The following XKR5 variants were observed in gnomAD, a reference collection of about 807,000 sequenced individuals.
XKR5 encodes the protein XK related 5, also known as XK-related protein 5.
In XKR5, 46 loss-of-function variants were observed where a neutral mutation model predicts 40.8. The observed-to-expected ratio is 1.13, with a 90% CI of 0.89 to 1.44. The LOEUF (loss-of-function observed/expected upper bound fraction) is 1.44. Ranked by LOEUF, XKR5 falls within the 40% of genes most tolerant of loss-of-function variation. The pLI is 0.00. For synonymous variants in XKR5, 466 were observed against 356.1 expected, an observed-to-expected ratio of 1.31 and a Z score of -3.48; for missense variants, 1,169 against 844.7, an observed-to-expected ratio of 1.38 and a Z score of -4.76.
chr8:6,812,474 C>G, intron 6 of XKR5, 135 bp from the exon 7 acceptor site: 1 of 872,654 alleles, frequency 1.1e-6, no homozygotes, highest in South Asian at 1.9e-5. Context: ...CTTGTTGGAG[C>G]CTCAGAACTG....
chr8:6,835,138 G>T (rs1804954610), intron 1 of XKR5, among the ~76,000 whole-genome samples: 1 of 151,892 alleles, frequency 6.6e-6, no homozygotes, highest in Admixed American at 6.6e-5. Flanking sequence ...CATGCGTGGG[G>T]CGGGGGGATC....
At chr8:6,823,454 T>A (rs1050282537) in intron 4 of XKR5, 67 bp downstream of exon 4, 9 of 1,497,192 alleles carry the variant, frequency 6.0e-6, no homozygotes, top group Non-Finnish European at 8.2e-6. Context: ...TGGTTATTCT[T>A]GAGACCTTCA....
intron 5 of XKR5, 57 bp from the exon 6 acceptor site, chr8:6,815,975 C>T (rs1240563806): frequency 1.5e-6 from 2 of 1,369,974 alleles, no homozygotes; most frequent in East Asian, 2.5e-5. Context: ...GCCTAGGGAC[C>T]CCCGTCCCGT....
At chr8:6,818,955 T>A (rs1319088085) in intron 5 of XKR5, among the ~76,000 whole-genome samples, 1 of 152,190 alleles carries the variant, frequency 6.6e-6, no homozygotes. Context: ...GGTGGGAGGA[T>A]CACTTGAGCC....
intron 3 of XKR5, 84 bp downstream of exon 3, chr8:6,825,081 A>C: frequency 6.5e-7 from 1 of 1,529,216 alleles, no homozygotes; most frequent in Non-Finnish European, 8.9e-7. Context: ...GAAATCTCGA[A>C]GGGAGGGTTT....
chr8:6,814,322 G>C (rs1376305707), intron 6 of XKR5, among the ~76,000 whole-genome samples: 1 of 152,188 alleles, frequency 6.6e-6, no homozygotes, highest in African/African-American at 2.4e-5. Flanking sequence ...CAAAAGCAAG[G>C]AGCAACCCGG....
rs73661485 is a variant in XKR5, at chr8:6,827,382, G to C, written c.243-2033C>G. On this transcript the variant is annotated intron_variant, in intron 2 of 6. Coordinates refer to ENST00000618742, the MANE Select transcript of XKR5 (RefSeq NM_207411.5). ...AAGGTCACCTGCAAAACTCCCTGTA[G>C]AGACCCCTAAGGCTCTGACTGGCAG... 5.1e-3 allele frequency among the ~76,000 whole-genome samples: 775 copies of C among 152,300 alleles called. 9 individuals are homozygous for C. The highest frequency in any genetic ancestry group is 0.017 in the African/African-American group (722 of 41,542).
At position 6,832,899 on chromosome 8, in the gene XKR5, G is replaced by C. The variant is rs1481735686; in HGVS notation, c.60C>G (p.Arg20=). The part of the protein sequence containing the change: ...ALLQAAEQSA[R]LYTVAYYFTT... ...TGAAGTAGTAAGCCACGGTGTAAAG[G>C]CCTGGGTGAGAAGGGGAAAGGCAAG... Residue 20 remains arginine, a splice_region_variant and synonymous_variant, in exon 2 of 7, where the codon CGC becomes CGG. Transcript: ENST00000618742. The C allele has an allele frequency of 3.8e-6, 6 of 1,567,314 alleles. 1 individual carries two copies. The South Asian group carries it at 4.8e-5, about 12-fold the overall frequency.
In XKR5 at chr8:6,811,366, C is replaced by A. The variant is rs370198356; in HGVS notation, c.1893G>T (p.Glu631Asp). ...LSISELEEPL[E>D]PKRELSHHAA... is the part of the protein sequence containing the mutation. ...CATGGTGACTTAGCTCCCTTTTGGG[C>A]TCCAGCGGCTCCTCTAGCTCTGAGA... Residue 631 changes from glutamate to aspartate, a missense_variant, in exon 7 of 7, where the codon GAG (glutamate) becomes GAT (aspartate). Physicochemically the swap from Glu to Asp is conservative, Grantham distance 45. Coordinates refer to ENST00000618742, the MANE Select transcript of XKR5 (RefSeq NM_207411.5). The A allele has an allele frequency of 4.8e-4, 735 of 1,537,380 alleles. 1 individual carries two copies. The Middle Eastern group carries it at 5.2e-3, about 11-fold the overall frequency.
intron 6 of XKR5, among the ~76,000 whole-genome samples, chr8:6,815,542 C>T (rs1022542422): frequency 3.3e-5 from 5 of 151,980 alleles, no homozygotes; most frequent in East Asian, 1.9e-4. Flanking sequence ...CAGGAAGCTC[C>T]GGGGAGGACG....
At chr8:6,833,688 C>G (rs1027821353) in intron 1 of XKR5, among the ~76,000 whole-genome samples, 4 of 152,128 alleles carry the variant, frequency 2.6e-5, no homozygotes, top group Non-Finnish European at 5.9e-5. Context: ...TGCATTCCAG[C>G]CTGGGCCACA....
In XKR5 at chr8:6,821,947, G is replaced by T. The variant is rs760918181; in HGVS notation, c.729C>A (p.Leu243=). 1 of 1,612,762 alleles carries T rather than the reference G, an allele frequency of 6.2e-7. No homozygotes were observed. Among genetic ancestry groups the T allele is most frequent in the East Asian group, 2.2e-5 (1 of 44,850 alleles). Residue 243 remains leucine (L), a synonymous_variant, in exon 5 of 7, where the codon CTC becomes CTA. Transcript: ENST00000618742. ...STCHWRLFNL[L]VGAVYILCYL... The stretch of plus-strand genomic sequence containing the variant: ...AGCAGAGGATGTACACGGCCCCCAC[G>T]AGCAGGTTGAACAGCCTCCAGTGGC...
rs1237215576 is a variant in XKR5 at position 6,822,018 on chromosome 8, T to C, written c.658A>G (p.Thr220Ala). 1.2e-6 allele frequency: 2 copies of C among 1,605,394 alleles called. No homozygotes were observed. Among genetic ancestry groups the C allele is most frequent in the African/African-American group, 2.7e-5 (2 of 74,746 alleles). Residue 220 changes from threonine to alanine, a missense_variant, in exon 5 of 7, where the codon ACA becomes GCA. Physicochemically the swap from Thr to Ala is moderately conservative, Grantham distance 58. Coordinates refer to ENST00000618742, the MANE Select transcript of XKR5 (RefSeq NM_207411.5). The stretch of plus-strand genomic sequence containing the variant: ...CTCTGCTGGGCGACAAGCCAGAATG[T>C]CATCACCAGCCAGTGGGCACCTGCA... ...VVAGAHWLVM[T>A]FWLVAQQSDI... is the part of the protein sequence containing the mutation.
chr8:6,811,436 C>G lies in XKR5; in HGVS notation c.1823G>C (p.Arg608Thr), dbSNP rs1163802418. 6.5e-7 allele frequency: 1 copy of G among 1,536,472 alleles called. No individual in the cohort carries two copies. Among genetic ancestry groups the G allele is most frequent in the African/African-American group, 1.4e-5 (1 of 73,022 alleles). ...ISPILGTGPC[R>T]GFCPSAGFPG... ...GAAGCCTGCACTGGGGCAGAAGCCT[C>G]TACATGGGCCTGTGCCTAGGATGGG... is the stretch of plus-strand genomic sequence containing the variant. The change falls in exon 7 of 7, where the codon AGA becomes ACA. Residue 608 changes from arginine to threonine, a missense_variant. Coordinates refer to ENST00000618742, the MANE Select transcript of XKR5 (RefSeq NM_207411.5).
Position 6,835,519 on chromosome 8 carries a change from G to A in XKR5, c.-26C>T, listed in dbSNP as rs1360912899. ...CTTCCGTGCCGACCCCGCAGCCTGC[G>A]CCCGCCCCTTCCCCTGCACGCGGCC... On this transcript the variant is annotated 5_prime_UTR_variant, in exon 1 of 7. Transcript: ENST00000618742. The A allele has an allele frequency of 6.1e-6, 9 of 1,486,418 alleles. No homozygotes were observed. The highest frequency in any genetic ancestry group is 8.0e-6 in the Non-Finnish European group (9 of 1,123,906). The allele number at this position is 1,486,418 out of a possible 1,614,324, so 92.1% of individuals were successfully genotyped here. A position where few individuals can be genotyped will look rare whatever the true frequency, so the allele number is the denominator to read the frequency against.
In XKR5 at chr8:6,812,284, G is replaced by A; in HGVS notation, c.975C>T (p.Ile325=). 6.4e-7 allele frequency: 1 copy of A among 1,553,970 alleles called. No individual in the cohort carries two copies. Among genetic ancestry groups the A allele is most frequent in the Non-Finnish European group, 8.7e-7 (1 of 1,147,814 alleles). ...YSLLHPKSTD[I]WQGCLRKSCG... is the part of the protein sequence containing the mutation. ...AGGACTTCCTTAGGCAGCCCTGCCA[G>A]ATGTCTGTGGATTTTGGATGCAGCA... The change falls in exon 7 of 7, where the codon ATC becomes ATT. Residue 325 remains isoleucine, a synonymous_variant. Coordinates refer to ENST00000618742, the MANE Select transcript of XKR5 (RefSeq NM_207411.5).
intron 1 of XKR5, among the ~76,000 whole-genome samples, chr8:6,833,788 G>A (rs1251224073): frequency 2.0e-5 from 3 of 152,216 alleles, no homozygotes; most frequent in African/African-American, 7.2e-5. Flanking sequence ...GGAGCAGGCT[G>A]GGAGCCAGCA....
Position 6,832,852 on chromosome 8 carries a change from C to T in XKR5, c.107G>A (p.Gly36Glu). Residue 36 changes from glycine (G) to glutamate (E), a missense_variant, in exon 2 of 7, where the codon GGG becomes GAG. By Grantham distance (98) the Gly-to-Glu change is moderately conservative. Coordinates refer to ENST00000618742, the MANE Select transcript of XKR5 (RefSeq NM_207411.5). ...CAGGAGGACAGCAAGGGCCAGCCAC[C>T]CCCACAGAAGCCGTCCTGTGGTGAA... ...YYFTTGRLLWGWLALAVLLPG... is the reference protein window; with the variant it reads ...YYFTTGRLLWEWLALAVLLPG... 1 of 1,610,724 alleles carries T rather than the reference C, an allele frequency of 6.2e-7. No homozygotes were observed. The highest frequency in any genetic ancestry group is 1.3e-5 in the African/African-American group (1 of 74,850).
intron 1 of XKR5, among the ~76,000 whole-genome samples, chr8:6,833,463 C>A (rs1369177782): frequency 2.0e-5 from 3 of 152,170 alleles, no homozygotes; most frequent in Non-Finnish European, 4.4e-5. Flanking sequence ...CTAATTATCT[C>A]ATTAAAAACA....
Sources: gnomAD v4.1 joint callset for allele counts (sites outside exome capture counted in the v4.1 genomes callset) on GRCh38, gnomAD v4.1.1 for gene constraint, MANE v1.5 for transcripts, NCBI Gene and HGNC (gene_info 2026-07-23, HGNC 2026-07-21) for gene names.